SFI1: variants seen among roughly 807,000 people sequenced by gnomAD.
SFI1 encodes protein SFI1 homolog.
SFI1 carries 195 observed loss-of-function variants against 207.5 expected under a neutral mutation model. The observed-to-expected ratio is 0.94, with a 90% CI of 0.84 to 1.06. The LOEUF is 1.06. Ranked by LOEUF, SFI1 falls within the 50% of genes least tolerant of loss-of-function variation. The pLI, the probability that SFI1 is intolerant of heterozygous loss-of-function variation, is 0.00. For missense variants in SFI1, 1,634 were observed against 1,588.0 expected (o/e 1.03, Z -0.49); for synonymous variants, 630 against 598.9 (o/e 1.05, Z -0.76).
chr22:31,614,618 C>T (rs755485176), intron 27 of SFI1, 171 bp from the exon 28 acceptor site: 60 of 741,304 alleles, frequency 8.1e-5, no homozygotes, highest in East Asian at 5.9e-4. Flanking sequence ...TACCTTTTGT[C>T]GGAACTGCTG....
intron 4 of SFI1, among the ~76,000 whole-genome samples, chr22:31,542,810 C>T (rs1264886574): frequency 2.0e-5 from 3 of 151,168 alleles, no homozygotes; most frequent in Non-Finnish European, 4.4e-5. Flanking sequence ...TACAGGCATG[C>T]ACCACAACGC....
intron 8 of SFI1, among the ~76,000 whole-genome samples, chr22:31,566,969 G>C (rs1437416448): frequency 6.6e-6 from 1 of 151,906 alleles, no homozygotes; most frequent in Non-Finnish European, 1.5e-5. Context: ...GCAGTGGTGC[G>C]ATCTCGGCTC....
intron 4 of SFI1, among the ~76,000 whole-genome samples, chr22:31,542,442 A>G (rs1488446154): frequency 3.3e-5 from 5 of 151,784 alleles, no homozygotes; most frequent in African/African-American, 1.2e-4. Context: ...AGCCTGGCCA[A>G]CATGGTGAAA....
intron 15 of SFI1, among the ~76,000 whole-genome samples, chr22:31,594,006 CAGGGAG>C (rs1222554824): frequency 2.9e-4 from 1 of 3,404 alleles, no homozygotes; most frequent in African/African-American, 7.3e-4. Context: ...GGGAGAGGGA[CAGGGAG>C]AGGGAGAGGG....
Position 31,546,952 on chromosome 22 carries a change from C to A in SFI1, c.430C>A (p.Arg144=). ...VFQHEWKLCV[R]ADCHYRYYLY... ...CCAGCACGAGTGGAAACTCTGTGTT[C>A]GAGCTGACTGTCACTACAGGTCAGG... is the stretch of plus-strand genomic sequence containing the variant. The change falls in exon 5 of 33, where the codon CGA becomes AGA. Residue 144 remains arginine, a synonymous_variant. Transcript: ENST00000400288. 1 of 1,609,724 alleles carries A rather than the reference C, an allele frequency of 6.2e-7. No homozygotes were observed.
intron 15 of SFI1, among the ~76,000 whole-genome samples, chr22:31,601,128 C>CTTT (rs11354377): frequency 5.0e-5 from 4 of 80,306 alleles, no homozygotes; most frequent in Admixed American, 3.1e-4. Flanking sequence ...CTTTTCTTTA[C>CTTT]TTTTTTTTTT....
At chr22:31,571,373 T>A (rs1294849703) in intron 8 of SFI1, among the ~76,000 whole-genome samples, 1 of 152,114 alleles carries the variant, frequency 6.6e-6, no homozygotes, top group East Asian at 1.9e-4. Flanking sequence ...AGTGCAGTGG[T>A]ATGATCACTG....
chr22:31,568,773 C>T (rs369985052), intron 8 of SFI1, among the ~76,000 whole-genome samples: 49 of 151,972 alleles, frequency 3.2e-4, no homozygotes, highest in African/African-American at 1.1e-3. Context: ...TGGAAGGGTT[C>T]CCAGGGCTTA....
At chr22:31,598,679 A>T (rs377724270) in intron 15 of SFI1, among the ~76,000 whole-genome samples, 18 of 112,436 alleles carry the variant, frequency 1.6e-4, no homozygotes, top group African/African-American at 5.9e-4. Context: ...GGCCTCCCAG[A>T]GTGCTGGGAT....
At chr22:31,509,446 G>C (rs1175102388) in intron 2 of SFI1, among the ~76,000 whole-genome samples, 1 of 152,182 alleles carries the variant, frequency 6.6e-6, no homozygotes, top group Non-Finnish European at 1.5e-5. Flanking sequence ...CAAAGAACTT[G>C]GAGTCTGATG....
intron 15 of SFI1, among the ~76,000 whole-genome samples, chr22:31,593,667 T>A (rs1469585759): frequency 1.5e-5 from 2 of 136,086 alleles, no homozygotes; most frequent in Admixed American, 7.5e-5. Context: ...TAGGTTGTAG[T>A]GAGCCGAGAT....
chr22:31,616,681 G>C, intron 29 of SFI1, 64 bp from the exon 30 acceptor site: 1 of 1,494,618 alleles, frequency 6.7e-7, no homozygotes, highest in Non-Finnish European at 8.9e-7. Context: ...CAAGGACTTG[G>C]TGTCCCCCTC....
chr22:31,591,218 C>T (rs2065852336), intron 15 of SFI1, among the ~76,000 whole-genome samples: 1 of 152,178 alleles, frequency 6.6e-6, no homozygotes. Flanking sequence ...GCACATCTTG[C>T]ACCGCCCTTG....
intron 12 of SFI1, among the ~76,000 whole-genome samples, chr22:31,580,909 T>C (rs1328676249): frequency 6.6e-6 from 1 of 152,168 alleles, no homozygotes. Context: ...ATCCCATTTT[T>C]TTATCTATTT....
chr22:31,576,864 ACT>A (rs1026378401), intron 10 of SFI1, among the ~76,000 whole-genome samples: 6 of 150,676 alleles, frequency 4.0e-5, no homozygotes, highest in Non-Finnish European at 8.9e-5. Flanking sequence ...CTGGTCTCAA[ACT>A]CCTGACGACC....
intron 8 of SFI1, among the ~76,000 whole-genome samples, chr22:31,570,949 C>T (rs1569340910): frequency 6.6e-6 from 1 of 152,148 alleles, no homozygotes; most frequent in African/African-American, 2.4e-5. Flanking sequence ...CAAAATCTGA[C>T]CTTTGGATTG....
intron 2 of SFI1, among the ~76,000 whole-genome samples, chr22:31,514,158 AAAAAAT>A (rs1052780856): frequency 6.7e-6 from 1 of 150,232 alleles, no homozygotes; most frequent in Non-Finnish European, 1.5e-5. Flanking sequence ...AAAAAAAAAA[AAAAAAT>A]GTAGTACTGA....
chr22:31,595,113 C>T (rs563026686), intron 15 of SFI1, among the ~76,000 whole-genome samples: 19 of 152,248 alleles, frequency 1.2e-4, no homozygotes, highest in African/African-American at 4.6e-4. Context: ...TCTCCTGCCT[C>T]AGCCTCCCAA....
At chr22:31,523,365 G>A (rs2057504736) in intron 2 of SFI1, among the ~76,000 whole-genome samples, 1 of 152,162 alleles carries the variant, frequency 6.6e-6, no homozygotes, top group African/African-American at 2.4e-5. Flanking sequence ...AACTGATGAT[G>A]TTATGTTTTA....
Sources: allele counts gnomAD v4.1 joint callset (sites outside exome capture counted in the v4.1 genomes callset), GRCh38; gene constraint gnomAD v4.1.1; transcripts MANE v1.5; gene names NCBI Gene and HGNC (gene_info 2026-07-23, HGNC 2026-07-21).